Variants in DPP10 observed in about 807,000 individuals in gnomAD.
DPP10 encodes dipeptidyl peptidase like 10.
DPP10 carries 33 observed loss-of-function variants against 120.9 expected under a neutral mutation model. The observed-to-expected ratio is 0.27, with a 90% CI of 0.21 to 0.37. The LOEUF is 0.37. DPP10 is among the 10% of genes least tolerant of loss of function. The pLI, the probability that DPP10 is intolerant of heterozygous loss-of-function variation, is 1.00. For synonymous variants in DPP10, 337 were observed against 326.1 expected, an observed-to-expected ratio of 1.03 and a Z score of -0.36; for missense variants, 816 against 942.8, an observed-to-expected ratio of 0.87 and a Z score of 1.76.
chr2:115,743,950 T>G (rs556404356), intron 9 of DPP10, among the ~76,000 whole-genome samples: 1 of 150,738 alleles, frequency 6.6e-6, no homozygotes, highest in South Asian at 2.1e-4. Context: ...AGTCAGTAGC[T>G]TAAGAAGCCC....
At chr2:115,311,164 C>A (rs1360436528) in intron 2 of DPP10, among the ~76,000 whole-genome samples, 2 of 152,182 alleles carry the variant, frequency 1.3e-5, no homozygotes, top group African/African-American at 4.8e-5. Flanking sequence ...AGTTTGAGTT[C>A]TGCCTCTGTA....
At chr2:115,649,222 A>C (rs1340747164) in intron 5 of DPP10, among the ~76,000 whole-genome samples, 2 of 152,092 alleles carry the variant, frequency 1.3e-5, no homozygotes, top group African/African-American at 4.8e-5. Context: ...CCTGGGCCAA[A>C]TGTTCTATGT....
intron 1 of DPP10, among the ~76,000 whole-genome samples, chr2:114,751,980 G>T (rs1201908299): frequency 6.6e-6 from 1 of 152,214 alleles, no homozygotes; most frequent in African/African-American, 2.4e-5. Context: ...AAGCTCCCAG[G>T]TGATGCTTCT....
intron 1 of DPP10, among the ~76,000 whole-genome samples, chr2:114,874,627 GTAA>G (rs930860843): frequency 6.6e-6 from 1 of 151,920 alleles, no homozygotes; most frequent in African/African-American, 2.4e-5. Context: ...ATATTACAAT[GTAA>G]TAATAATAGT....
At chr2:114,653,858 C>T (rs921223918) in intron 1 of DPP10, among the ~76,000 whole-genome samples, 11 of 152,150 alleles carry the variant, frequency 7.2e-5, no homozygotes, top group African/African-American at 2.2e-4. Context: ...AGATTCTCTT[C>T]GGGAATCCCT....
chr2:115,148,877 C>CT (rs901055457), intron 1 of DPP10, among the ~76,000 whole-genome samples: 2 of 152,108 alleles, frequency 1.3e-5, no homozygotes, highest in Non-Finnish European at 2.9e-5. Flanking sequence ...TCATATTAAT[C>CT]TTTTTTTGCA....
At chr2:115,332,467 C>G (rs2106179930) in intron 2 of DPP10, among the ~76,000 whole-genome samples, 1 of 152,204 alleles carries the variant, frequency 6.6e-6, no homozygotes, top group African/African-American at 2.4e-5. Context: ...CGTCTGCTAG[C>G]TTTTGAATGT....
chr2:114,623,813 C>T (rs1040855549), intron 1 of DPP10, among the ~76,000 whole-genome samples: 2 of 152,046 alleles, frequency 1.3e-5, no homozygotes, highest in South Asian at 2.1e-4. Flanking sequence ...AGCTTTAAGT[C>T]TGAATTATCA....
At chr2:114,520,730 C>A (rs1684979198) in intron 1 of DPP10, among the ~76,000 whole-genome samples, 1 of 152,164 alleles carries the variant, frequency 6.6e-6, no homozygotes, top group South Asian at 2.1e-4. Flanking sequence ...TTTATGGATC[C>A]TGTGAGTCTG....
chr2:115,432,138 T>G (rs1472368659), intron 3 of DPP10, among the ~76,000 whole-genome samples: 1 of 152,042 alleles, frequency 6.6e-6, no homozygotes, highest in Non-Finnish European at 1.5e-5. Flanking sequence ...TGTTTTCCTT[T>G]TTTCTACCCT....
chr2:115,821,911 T>C (rs1219849044), intron 21 of DPP10, among the ~76,000 whole-genome samples: 2 of 152,032 alleles, frequency 1.3e-5, no homozygotes, highest in Non-Finnish European at 1.5e-5. Context: ...TTAAGTCACA[T>C]AGTAATTCCA....
chr2:115,831,674 C>G (rs1435343819), intron 21 of DPP10, among the ~76,000 whole-genome samples: 1 of 152,232 alleles, frequency 6.6e-6, no homozygotes, highest in Non-Finnish European at 1.5e-5. Context: ...GATCCCACCT[C>G]TGCTTCTCCA....
chr2:114,643,214 T>C (rs1695846127), intron 1 of DPP10, among the ~76,000 whole-genome samples: 1 of 151,936 alleles, frequency 6.6e-6, no homozygotes, highest in Non-Finnish European at 1.5e-5. Context: ...AGATCTTTAA[T>C]CCTCACTTCC....
intron 1 of DPP10, among the ~76,000 whole-genome samples, chr2:115,126,740 T>G (rs899459127): frequency 1.3e-5 from 2 of 152,158 alleles, no homozygotes; most frequent in African/African-American, 4.8e-5. Context: ...ACCTAACCTT[T>G]CCCTGATTAC....
At chr2:114,901,969 C>T (rs1693610538) in intron 1 of DPP10, among the ~76,000 whole-genome samples, 2 of 152,190 alleles carry the variant, frequency 1.3e-5, no homozygotes, top group African/African-American at 4.8e-5. Flanking sequence ...ATGCTCAAGG[C>T]ATTTTGCTTG....
chr2:115,730,110 T>G (rs901734386), intron 8 of DPP10, among the ~76,000 whole-genome samples: 14 of 152,166 alleles, frequency 9.2e-5, no homozygotes, highest in African/African-American at 3.4e-4. Flanking sequence ...GATTGGATCT[T>G]CCATATGAAC....
intron 1 of DPP10, among the ~76,000 whole-genome samples, chr2:114,652,895 G>C (rs1696695052): frequency 1.3e-5 from 2 of 151,840 alleles, no homozygotes; most frequent in African/African-American, 4.8e-5. Context: ...AAAAGGAACA[G>C]GAAAGTGCAG....
intron 1 of DPP10, among the ~76,000 whole-genome samples, chr2:115,079,987 A>G (rs1479393121): frequency 1.3e-5 from 2 of 152,212 alleles, no homozygotes; most frequent in African/African-American, 4.8e-5. Context: ...AGGAAGGGTC[A>G]GAGGCTATGC....
intron 1 of DPP10, among the ~76,000 whole-genome samples, chr2:114,515,281 G>A (rs1428485749): frequency 1.3e-5 from 2 of 152,056 alleles, no homozygotes; most frequent in Non-Finnish European, 2.9e-5. Flanking sequence ...TTTTAATGTT[G>A]GAAACAAACT....
Sources: gnomAD v4.1 joint callset for allele counts (sites outside exome capture counted in the v4.1 genomes callset) on GRCh38, gnomAD v4.1.1 for gene constraint, MANE v1.5 for transcripts, NCBI Gene and HGNC (gene_info 2026-07-23, HGNC 2026-07-21) for gene names.